The following XKR4 variants were observed in gnomAD, a reference collection of about 807,000 sequenced individuals.
The protein encoded by XKR4 is XK-related protein 4.
XKR4 carries 12 observed loss-of-function variants against 53.9 expected under a neutral mutation model. That is an observed-to-expected ratio of 0.22 (90% CI 0.14 to 0.36). XKR4 has a LOEUF of 0.36. XKR4 is among the 10% of genes least tolerant of loss of function. The pLI, the probability that XKR4 is intolerant of heterozygous loss-of-function variation, is 1.00. For missense variants in XKR4, 799 were observed against 859.5 expected (o/e 0.93, Z 0.88); for synonymous variants, 354 against 362.4 (o/e 0.98, Z 0.26).
rs71256529 is a variant in XKR4 at position 55,289,684 on chromosome 8, A to AAAGAAAGAAAGAAAGAAAGG, written c.807-67982_807-67981insAAGAAAGGAAGAAAGAAAGA. Reference sequence around the variant, plus strand: ...AAAAGAAAAGAAAAGAAAGAGAAAGAAAGAAAGAAAGAGAAAGAAAGAAAG... The same window carrying AAAGAAAGAAAGAAAGAAAGG: ...AAAAGAAAAGAAAAGAAAGAGAAAGAAAGAAAGAAAGAAAGAAAGGAAGAAAGAAAGAGAAAGAAAGAAAG... On this transcript the variant is annotated intron_variant, in intron 1 of 2. Coordinates refer to ENST00000327381, the MANE Select transcript of XKR4 (RefSeq NM_052898.2). Among the ~76,000 whole-genome samples the AAAGAAAGAAAGAAAGAAAGG allele has an allele frequency of 9.3e-4, 136 of 146,710 alleles. 2 individuals are homozygous for AAAGAAAGAAAGAAAGAAAGG. The highest frequency in any genetic ancestry group is 3.2e-3 in the African/African-American group (124 of 39,070).
At chr8:55,450,850 G>A in intron 2 of XKR4, 1 of 480,490 alleles carries the variant, frequency 2.1e-6, no homozygotes, top group Non-Finnish European at 4.0e-6. Context: ...CATCAGCACG[G>A]AGGAACTTGA....
chr8:55,470,325 C>T (rs2129400004), intron 2 of XKR4, among the ~76,000 whole-genome samples: 1 of 152,238 alleles, frequency 6.6e-6, no homozygotes, highest in South Asian at 2.1e-4. Context: ...TCATAATTCC[C>T]TCATGTTGTG....
chr8:55,415,140 TA>T (rs1011538535), intron 2 of XKR4, among the ~76,000 whole-genome samples: 3 of 152,204 alleles, frequency 2.0e-5, no homozygotes, highest in Non-Finnish European at 2.9e-5. Context: ...AAAGAAATCT[TA>T]AAGACAGCTT....
intron 1 of XKR4, among the ~76,000 whole-genome samples, chr8:55,128,215 T>C (rs1274719389): frequency 2.6e-5 from 4 of 152,114 alleles, no homozygotes; most frequent in African/African-American, 9.7e-5. Context: ...AAAGTGTTCC[T>C]ATTTCTTGAC....
At chr8:55,508,549 G>C (rs1018224645) in intron 2 of XKR4, among the ~76,000 whole-genome samples, 62 of 152,166 alleles carry the variant, frequency 4.1e-4, no homozygotes, top group African/African-American at 1.5e-3. Flanking sequence ...GGCCACCAGT[G>C]GGGAGAGGAC....
intron 1 of XKR4, among the ~76,000 whole-genome samples, chr8:55,237,479 G>A (rs1178803406): frequency 3.3e-5 from 5 of 152,152 alleles, no homozygotes; most frequent in African/African-American, 1.2e-4. Flanking sequence ...GAGTGGAAGT[G>A]GATTATCATA....
rs1333813825 is a variant in XKR4 at position 55,357,893 on chromosome 8, T to G, written c.1006+16T>G. 1.2e-6 allele frequency: 2 copies of G among 1,601,842 alleles called. No homozygotes were observed. Among genetic ancestry groups the G allele is most frequent in the East Asian group, 4.5e-5 (2 of 44,514 alleles). On this transcript the variant is annotated intron_variant, in intron 2 of 2. Transcript: ENST00000327381. ...GCCCTCCAAGGTAAGGGCTTGCAAT[T>G]TGGTTTCTGAATTTGGGGAAAGATT...
intron 1 of XKR4, among the ~76,000 whole-genome samples, chr8:55,318,800 A>T (rs1234661360): frequency 6.6e-6 from 1 of 152,322 alleles, no homozygotes; most frequent in Middle Eastern, 3.4e-3. Context: ...AGTGTTTCAT[A>T]TAAGACAGTG....
At chr8:55,300,042 C>G (rs1439061030) in intron 1 of XKR4, among the ~76,000 whole-genome samples, 1 of 152,054 alleles carries the variant, frequency 6.6e-6, no homozygotes, top group Non-Finnish European at 1.5e-5. Flanking sequence ...TGTCAAAGCC[C>G]CCGCTGTAGG....
At chr8:55,144,404 C>T (rs1428721341) in intron 1 of XKR4, among the ~76,000 whole-genome samples, 1 of 151,692 alleles carries the variant, frequency 6.6e-6, no homozygotes, top group African/African-American at 2.4e-5. Flanking sequence ...ATAAGAAAGC[C>T]AACAGCACAA....
rs144592369 is a variant in XKR4, at chr8:55,523,393, C to T, written c.1119C>T (p.Ile373=). The T allele has an allele frequency of 1.5e-4, 243 of 1,614,120 alleles. No individual in the cohort carries two copies. Among genetic ancestry groups the T allele is most frequent in the Middle Eastern group, 6.6e-4 (4 of 6,084 alleles). ...DKKPISYMAV[I]IQFCWHFFTI... is the part of the protein sequence containing the mutation. The stretch of plus-strand genomic sequence containing the variant: ...AGCCCATCAGCTACATGGCCGTCAT[C>T]ATCCAGTTCTGCTGGCACTTCTTCA... The change falls in exon 3 of 3, where the codon ATC becomes ATT. Residue 373 remains isoleucine (I), a synonymous_variant. Transcript: ENST00000327381.
At chr8:55,248,779 T>C (rs1467027370) in intron 1 of XKR4, among the ~76,000 whole-genome samples, 1 of 152,220 alleles carries the variant, frequency 6.6e-6, no homozygotes, top group African/African-American at 2.4e-5. Flanking sequence ...TTCTCGGCTT[T>C]TCCCTGTCTG....
At chr8:55,455,419 C>G (rs1805555081) in intron 2 of XKR4, among the ~76,000 whole-genome samples, 1 of 152,134 alleles carries the variant, frequency 6.6e-6, no homozygotes, top group Non-Finnish European at 1.5e-5. Context: ...CCCCCTCAGT[C>G]AGTAAGAACA....
Position 55,376,143 on chromosome 8 carries a change from G to A in XKR4, c.1006+18266G>A, listed in dbSNP as rs111582977. On this transcript the variant is annotated intron_variant, in intron 2 of 2. Coordinates refer to ENST00000327381, the MANE Select transcript of XKR4 (RefSeq NM_052898.2). Reference sequence around the variant, plus strand: ...CCGTTCTATCATTAATGGGCATTTGGGTTGATTCCATGTCTTTGCTATTGT... The same window carrying A: ...CCGTTCTATCATTAATGGGCATTTGAGTTGATTCCATGTCTTTGCTATTGT... Among the ~76,000 whole-genome samples the A allele has an allele frequency of 9.6e-3, 1,460 of 152,156 alleles. 10 individuals carry two copies. The highest frequency in any genetic ancestry group is 0.02 in the African/African-American group (816 of 41,506).
chr8:55,250,196 G>A (rs868177737), intron 1 of XKR4, among the ~76,000 whole-genome samples: 1 of 152,158 alleles, frequency 6.6e-6, no homozygotes, highest in Non-Finnish European at 1.5e-5. Context: ...GTGAACTTCC[G>A]AGACAGCTAA....
chr8:55,394,026 T>G (rs976556934), intron 2 of XKR4, among the ~76,000 whole-genome samples: 2 of 152,140 alleles, frequency 1.3e-5, no homozygotes, highest in Admixed American at 6.6e-5. Flanking sequence ...GAAGTTTAAC[T>G]GGAAATGTAG....
intron 1 of XKR4, among the ~76,000 whole-genome samples, chr8:55,314,616 A>G (rs12375398): frequency 0.5 from 76,342 of 152,038 alleles, 22,484 homozygotes; most frequent in African/African-American, 0.81. Context: ...TTTCTTTAAG[A>G]GTTAGAATTT....
intron 2 of XKR4, among the ~76,000 whole-genome samples, chr8:55,491,542 TTAGCTCTACTTTTTAAGACA>T (rs1272487236): frequency 2.0e-5 from 3 of 152,232 alleles, no homozygotes; most frequent in African/African-American, 7.2e-5. Flanking sequence ...TAAGGCTAGT[TTAGCTCTACTTTTTAAGACA>T]TAGCCTTCTG....
chr8:55,158,830 T>C (rs112001543), intron 1 of XKR4, among the ~76,000 whole-genome samples: 7,039 of 152,260 alleles, frequency 0.046, 196 homozygotes, highest in South Asian at 0.1. Context: ...TTCTGTTCCA[T>C]TGGTGTATGT....
Sources: allele counts gnomAD v4.1 joint callset (sites outside exome capture counted in the v4.1 genomes callset), GRCh38; gene constraint gnomAD v4.1.1; transcripts MANE v1.5; gene names NCBI Gene and HGNC (gene_info 2026-07-23, HGNC 2026-07-21).